TRPC6: variants seen among roughly 807,000 people sequenced by gnomAD.
The protein encoded by TRPC6 is short transient receptor potential channel 6.
In TRPC6, 55 loss-of-function variants were observed where a neutral mutation model predicts 90.7. The ratio of observed to expected loss-of-function variants is 0.61; its 90% CI spans 0.49 to 0.76. TRPC6 has a LOEUF of 0.76. Among genes scored for constraint, TRPC6 ranks in the 30% least tolerant of loss-of-function variants. The pLI, the probability that TRPC6 is intolerant of heterozygous loss-of-function variation, is 0.00. For synonymous variants in TRPC6, 393 were observed against 393.0 expected (o/e 1.00, Z 0.00); for missense variants, 989 against 1,122.7 (o/e 0.88, Z 1.70).
At chr11:101,522,829 C>A (rs1192302562) in intron 1 of TRPC6, among the ~76,000 whole-genome samples, 1 of 152,196 alleles carries the variant, frequency 6.6e-6, no homozygotes, top group East Asian at 1.9e-4. Flanking sequence ...AAATGTTAGG[C>A]ATAGCTTCAG....
At chr11:101,551,896 C>T (rs144821489) in intron 1 of TRPC6, among the ~76,000 whole-genome samples, 1 of 152,218 alleles carries the variant, frequency 6.6e-6, no homozygotes, top group African/African-American at 2.4e-5. Context: ...CTTTCTGTAA[C>T]ACAACTCACT....
chr11:101,533,430 G>C (rs1275547651), intron 1 of TRPC6, among the ~76,000 whole-genome samples: 1 of 152,160 alleles, frequency 6.6e-6, no homozygotes. Context: ...GATCTCACTA[G>C]AATTCACTGT....
At chr11:101,549,801 T>C (rs1383396256) in intron 1 of TRPC6, among the ~76,000 whole-genome samples, 1 of 151,326 alleles carries the variant, frequency 6.6e-6, no homozygotes, top group African/African-American at 2.4e-5. Context: ...GATAAATAGG[T>C]AAATTTCATG....
At chr11:101,583,207 C>A in intron 1 of TRPC6, 127 bp downstream of exon 1, 1 of 1,442,810 alleles carries the variant, frequency 6.9e-7, no homozygotes. Flanking sequence ...GCGGACCTCC[C>A]AGCACCGTCC....
chr11:101,468,370 G>C (rs1859201114), intron 10 of TRPC6, among the ~76,000 whole-genome samples: 3 of 152,132 alleles, frequency 2.0e-5, no homozygotes, highest in Admixed American at 2.0e-4. Flanking sequence ...AGGAAGCTGG[G>C]AGGTTGGATA....
chr11:101,573,951 T>C (rs1049742283), intron 1 of TRPC6, among the ~76,000 whole-genome samples: 29 of 134,016 alleles, frequency 2.2e-4, no homozygotes, highest in Middle Eastern at 7.4e-3. Flanking sequence ...TGTGTGTGTG[T>C]GTGTGTATGT....
intron 1 of TRPC6, among the ~76,000 whole-genome samples, chr11:101,516,030 T>C (rs772141257): frequency 1.3e-5 from 2 of 150,788 alleles, no homozygotes; most frequent in Non-Finnish European, 2.9e-5. Context: ...TGGAGATCAC[T>C]CCTGAACAGG....
intron 1 of TRPC6, among the ~76,000 whole-genome samples, chr11:101,515,215 A>C (rs1194648692): frequency 6.6e-6 from 1 of 152,254 alleles, no homozygotes; most frequent in Non-Finnish European, 1.5e-5. Context: ...AGAAATCATT[A>C]AATGGCTTCT....
At chr11:101,555,132 C>T (rs1237734671) in intron 1 of TRPC6, among the ~76,000 whole-genome samples, 1 of 152,156 alleles carries the variant, frequency 6.6e-6, no homozygotes, top group Non-Finnish European at 1.5e-5. Flanking sequence ...GCTTTGGGAG[C>T]TCATCCTCTT....
At chr11:101,469,289 T>G (rs2136665170) in intron 10 of TRPC6, 138 bp downstream of exon 10, 195 of 635,734 alleles carry the variant, frequency 3.1e-4, no homozygotes, top group East Asian at 5.6e-4. Flanking sequence ...ACAGAATTGT[T>G]GAGATTTGTT....
intron 1 of TRPC6, among the ~76,000 whole-genome samples, chr11:101,559,709 G>A (rs1415879364): frequency 6.7e-6 from 1 of 150,290 alleles, no homozygotes; most frequent in African/African-American, 2.5e-5. Context: ...ATGTATACGT[G>A]TGCCATGTTG....
At chr11:101,505,216 A>G (rs1434897200) in intron 1 of TRPC6, among the ~76,000 whole-genome samples, 1 of 152,198 alleles carries the variant, frequency 6.6e-6, no homozygotes, top group Admixed American at 6.5e-5. Context: ...AAGTTAACAA[A>G]TATTTATTGA....
At chr11:101,503,920 A>C in intron 2 of TRPC6, 104 bp downstream of exon 2, 1 of 1,368,676 alleles carries the variant, frequency 7.3e-7, no homozygotes, top group Non-Finnish European at 1.0e-6. Context: ...AAAATGACCT[A>C]GTGTCCACAG....
intron 11 of TRPC6, among the ~76,000 whole-genome samples, chr11:101,454,463 GA>G (rs1858839351): frequency 6.6e-6 from 1 of 151,756 alleles, no homozygotes; most frequent in South Asian, 2.1e-4. Context: ...CATCAGTAAG[GA>G]ATTATTTTTA....
chr11:101,543,333 C>A (rs1310036225), intron 1 of TRPC6, among the ~76,000 whole-genome samples: 1 of 151,940 alleles, frequency 6.6e-6, no homozygotes, highest in Non-Finnish European at 1.5e-5. Flanking sequence ...TACTCTATGA[C>A]CATGCAATCC....
intron 2 of TRPC6, among the ~76,000 whole-genome samples, chr11:101,503,109 A>G (rs933859107): frequency 1.3e-5 from 2 of 152,188 alleles, no homozygotes; most frequent in Non-Finnish European, 2.9e-5. Context: ...TGGGCATTAG[A>G]GGATCAGAAC....
rs569825733 is a variant in TRPC6, at chr11:101,572,441, G to C, written c.170+10893C>G. Among the ~76,000 whole-genome samples, 12 of 152,314 alleles carry C rather than the reference G, an allele frequency of 7.9e-5. 2 individuals carry two copies. The East Asian group carries it at 2.1e-3, about 27-fold the overall frequency. On this transcript the variant is annotated intron_variant, in intron 1 of 12. Coordinates refer to ENST00000344327, the MANE Select transcript of TRPC6 (RefSeq NM_004621.6). ...GTAAACTAGTTCAACCATTGTGGAA[G>C]ACAGTGTGGCAATCCTCAAGTGTCT... is the stretch of plus-strand genomic sequence containing the variant.
chr11:101,490,416 T>A (rs1407513016), intron 3 of TRPC6, among the ~76,000 whole-genome samples: 2 of 152,196 alleles, frequency 1.3e-5, no homozygotes, highest in Non-Finnish European at 2.9e-5. Flanking sequence ...ATATTACTTT[T>A]ATTGGAAAAA....
chr11:101,506,396 A>G (rs1452666178), intron 1 of TRPC6, among the ~76,000 whole-genome samples: 1 of 152,176 alleles, frequency 6.6e-6, no homozygotes, highest in Non-Finnish European at 1.5e-5. Context: ...TCTTGATTCC[A>G]CATCTCCAGA....
Sources: gnomAD v4.1 joint callset for allele counts (sites outside exome capture counted in the v4.1 genomes callset) on GRCh38, gnomAD v4.1.1 for gene constraint, MANE v1.5 for transcripts, NCBI Gene and HGNC (gene_info 2026-07-23, HGNC 2026-07-21) for gene names.